Variants in DCAF8L2 observed in about 807,000 individuals in gnomAD.
DCAF8L2 encodes DDB1- and CUL4-associated factor 8-like protein 2.
For missense variants in DCAF8L2, 430 were observed against 490.7 expected (o/e 0.88, Z 1.17); for synonymous variants, 200 against 190.9 (o/e 1.05, Z -0.39).
chrX:27,606,250 T>TTATATA (rs760094249), intron 1 of DCAF8L2, among the ~76,000 whole-genome samples: 7 of 84,284 alleles, frequency 8.3e-5, no homozygotes, highest in East Asian at 3.5e-4. Flanking sequence ...TATATAGGAA[T>TTATATA]TATATATATA....
At chrX:27,696,268 GAGAAAGAAAGAA>G (rs565370286) in intron 3 of DCAF8L2, among the ~76,000 whole-genome samples, 5,853 of 74,670 alleles carry the variant, frequency 0.078, 232 homozygotes, top group South Asian at 0.11. Flanking sequence ...AAGAGAGAGA[GAGAAAGAAAGAA>G]AGAAAGAAAG....
chrX:27,555,895 C>T, the DCAF8L2 span, among the ~76,000 whole-genome samples: 1 of 111,263 alleles, frequency 9.0e-6, no homozygotes, highest in African/African-American at 3.3e-5. Flanking sequence ...ACTAACATCA[C>T]GTGCTTGAAT....
chrX:27,642,759 A>G (rs193279049), intron 2 of DCAF8L2, among the ~76,000 whole-genome samples: 265 of 112,207 alleles, frequency 2.4e-3, no homozygotes, highest in African/African-American at 7.7e-3. Context: ...AGATATGCAG[A>G]ATAAGCTTTC....
chrX:27,709,007 C>T (rs1411818301), intron 3 of DCAF8L2, among the ~76,000 whole-genome samples: 1 of 112,368 alleles, frequency 8.9e-6, no homozygotes, highest in Non-Finnish European at 1.9e-5. Context: ...ACAACCTCGG[C>T]CTCCCAGGTT....
chrX:27,567,970 TA>T, the DCAF8L2 span, among the ~76,000 whole-genome samples: 14 of 111,467 alleles, frequency 1.3e-4, no homozygotes, highest in Admixed American at 2.9e-4. Flanking sequence ...ATATGTAAAT[TA>T]TTTTTTTTTA....
intron 2 of DCAF8L2, among the ~76,000 whole-genome samples, chrX:27,673,701 GTA>G (rs751027213): frequency 1.1e-3 from 119 of 105,614 alleles, no homozygotes; most frequent in African/African-American, 3.1e-3. Context: ...GTGGTTGTGT[GTA>G]TATATATATA....
the DCAF8L2 span, among the ~76,000 whole-genome samples, chrX:27,497,698 A>G: frequency 3.6e-5 from 4 of 110,535 alleles, no homozygotes; most frequent in Non-Finnish European, 7.6e-5. Context: ...CCTCCCGAGT[A>G]GCTGGGACTA....
At chrX:27,661,349 C>CT (rs1356737452) in intron 2 of DCAF8L2, among the ~76,000 whole-genome samples, 3 of 111,676 alleles carry the variant, frequency 2.7e-5, no homozygotes, top group Non-Finnish European at 5.6e-5. Context: ...CAGAGGGTCT[C>CT]TATCACTTTA....
chrX:27,573,604 T>C, the DCAF8L2 span, among the ~76,000 whole-genome samples: 1 of 111,246 alleles, frequency 9.0e-6, no homozygotes, highest in Non-Finnish European at 1.9e-5. Context: ...AATGAAGCAA[T>C]CTTTAGGCTT....
At chrX:27,596,496 A>G (rs1161812892) in intron 1 of DCAF8L2, among the ~76,000 whole-genome samples, 3 of 111,900 alleles carry the variant, frequency 2.7e-5, no homozygotes, top group African/African-American at 9.7e-5. Flanking sequence ...TGGAGGGGTT[A>G]GAGATCTTGA....
intron 2 of DCAF8L2, among the ~76,000 whole-genome samples, chrX:27,665,101 G>C (rs1259971487): frequency 1.8e-5 from 2 of 110,666 alleles, no homozygotes; most frequent in African/African-American, 6.6e-5. Flanking sequence ...AGCTTCCATA[G>C]ATAATTATTC....
chrX:27,502,134 A>G, the DCAF8L2 span, among the ~76,000 whole-genome samples: 2 of 103,588 alleles, frequency 1.9e-5, no homozygotes, highest in Admixed American at 1.1e-4. Flanking sequence ...CAGCCTGGCC[A>G]ACAAGGTGAA....
the DCAF8L2 span, among the ~76,000 whole-genome samples, chrX:27,509,863 A>G: frequency 8.9e-6 from 1 of 111,909 alleles, no homozygotes; most frequent in African/African-American, 3.2e-5. Flanking sequence ...TTTACTATTT[A>G]TGGAAGTCAT....
intron 1 of DCAF8L2, among the ~76,000 whole-genome samples, chrX:27,625,094 C>G (rs537159281): frequency 1.8e-5 from 2 of 111,592 alleles, no homozygotes; most frequent in African/African-American, 6.5e-5. Flanking sequence ...GCAAACTATG[C>G]GTCAAACAAA....
intron 4 of DCAF8L2, among the ~76,000 whole-genome samples, chrX:27,738,536 C>T (rs1262525959): frequency 3.6e-5 from 4 of 111,779 alleles, no homozygotes; most frequent in African/African-American, 9.8e-5. Flanking sequence ...TCCTTTGTCC[C>T]CCATCCCCAA....
the DCAF8L2 span, among the ~76,000 whole-genome samples, chrX:27,551,413 T>C: frequency 9.0e-6 from 1 of 111,001 alleles, no homozygotes; most frequent in East Asian, 2.8e-4. Flanking sequence ...AATTGAAGTA[T>C]GTGTTTTTTT....
chrX:27,578,978 A>G, the DCAF8L2 span, among the ~76,000 whole-genome samples: 3 of 111,714 alleles, frequency 2.7e-5, no homozygotes, highest in Non-Finnish European at 5.6e-5. Context: ...AATTAGTTCA[A>G]TCATTGTGGA....
intron 1 of DCAF8L2, among the ~76,000 whole-genome samples, chrX:27,605,645 C>T (rs965636496): frequency 3.6e-5 from 4 of 111,649 alleles, no homozygotes; most frequent in African/African-American, 1.3e-4. Context: ...ATGTTTGCCA[C>T]AGGCATTAGA....
chrX:27,720,390 G>A (rs1931855122), intron 4 of DCAF8L2, among the ~76,000 whole-genome samples: 2 of 109,095 alleles, frequency 1.8e-5, no homozygotes, highest in South Asian at 3.7e-4. Flanking sequence ...TTTTTGAGAC[G>A]GAGTCTCGCT....
Sources: gnomAD v4.1 joint callset for allele counts (sites outside exome capture counted in the v4.1 genomes callset) on GRCh38, gnomAD v4.1.1 for gene constraint, MANE v1.5 for transcripts, NCBI Gene and HGNC (gene_info 2026-07-23, HGNC 2026-07-21) for gene names.